The following DEGS2 variants were observed in gnomAD, a reference collection of about 807,000 sequenced individuals.
DEGS2 encodes the protein delta 4-desaturase, sphingolipid 2.
Under a neutral mutation model 23.8 loss-of-function variants are expected in DEGS2, and 19 were observed. That is an observed-to-expected ratio of 0.80 (90% CI 0.56 to 1.17). The LOEUF (loss-of-function observed/expected upper bound fraction) is 1.17, where lower values mean the gene tolerates loss of function less well. Ranked by LOEUF, DEGS2 falls within the 50% of genes most tolerant of loss-of-function variation. The pLI is 0.00. For missense variants in DEGS2, 390 were observed against 459.5 expected, an observed-to-expected ratio of 0.85 and a Z score of 1.38; for synonymous variants, 218 against 213.7, an observed-to-expected ratio of 1.02 and a Z score of -0.18.
At position 100,146,917 on chromosome 14, in the gene DEGS2, G is replaced by A; in HGVS notation, c.826-10C>T. The stretch of plus-strand genomic sequence containing the variant: ...GCGCGATCTTCCGCACCTGTAGAGA[G>A]GAGGGCGGGGCTCAGGGGCTGGTTC... On this transcript the variant is annotated splice_polypyrimidine_tract_variant and intron_variant, in intron 2 of 2. Transcript: ENST00000305631. 1 of 1,610,026 alleles carries A rather than the reference G, an allele frequency of 6.2e-7. No individual in the cohort carries two copies. The highest frequency in any genetic ancestry group is 8.5e-7 in the Non-Finnish European group (1 of 1,178,238).
chr14:100,161,952 CGAG>C (rs1889753742), upstream of DEGS2, among the ~76,000 whole-genome samples: 3 of 151,708 alleles, frequency 2.0e-5, no homozygotes, highest in Non-Finnish European at 4.4e-5. Context: ...CACCTGTAAT[CGAG>C]GCAGGAGAAT....
upstream of DEGS2, among the ~76,000 whole-genome samples, chr14:100,163,338 A>C (rs914355799): frequency 7.2e-5 from 11 of 152,198 alleles, no homozygotes; most frequent in Admixed American, 7.2e-4. Context: ...GCTAGTTGGG[A>C]GGCCGAGGCA....
chr14:100,159,060 C>A (rs560160622), intron 1 of DEGS2, among the ~76,000 whole-genome samples: 5 of 152,334 alleles, frequency 3.3e-5, no homozygotes, highest in African/African-American at 1.2e-4. Context: ...CCCGTGGCCG[C>A]GAGACCCAGG....
In DEGS2 at chr14:100,149,458, G is replaced by A; in HGVS notation, c.335C>T (p.Ala112Val). 6.3e-7 allele frequency: 1 copy of A among 1,595,766 alleles called. No individual in the cohort carries two copies. Among genetic ancestry groups the A allele is most frequent in the Non-Finnish European group, 8.5e-7 (1 of 1,170,664 alleles). The change falls in exon 2 of 3, where the codon GCC (alanine) becomes GTC (valine). Residue 112 changes from alanine to valine, a missense_variant. By Grantham distance (64) the Ala-to-Val change is moderately conservative. Transcript: ENST00000305631. ...AARNRWLAVF[A>V]NLPVGVPYAA... ...GTAGGGCACACCCACGGGCAGGTTG[G>A]CGAACACGGCCAGCCAGCGGTTGCG...
At chr14:100,159,830 G>A (rs914723841), upstream of DEGS2, 3 of 298,954 alleles carry the variant, frequency 1.0e-5, no homozygotes, top group African/African-American at 6.6e-5. Context: ...TTGGAAATGG[G>A]GCTCCCCGGC....
upstream of DEGS2, among the ~76,000 whole-genome samples, chr14:100,161,222 C>G (rs1319727782): frequency 6.6e-6 from 1 of 152,272 alleles, no homozygotes; most frequent in Non-Finnish European, 1.5e-5. Flanking sequence ...CAGCTCCACC[C>G]TCAGGACAAC....
At chr14:100,160,448 G>T (rs1889733151), upstream of DEGS2, among the ~76,000 whole-genome samples, 1 of 152,198 alleles carries the variant, frequency 6.6e-6, no homozygotes, top group Non-Finnish European at 1.5e-5. Flanking sequence ...AGATGCAAAC[G>T]CTTGGAAACA....
Position 100,146,561 on chromosome 14 carries a change from C to G in DEGS2, c.*200G>C. The G allele has an allele frequency of 1.1e-5, 8 of 703,196 alleles. No individual in the cohort carries two copies. The South Asian group carries it at 1.6e-4, about 14-fold the overall frequency. The allele number at this position is 703,196 out of a possible 1,614,324, so 43.6% of individuals were successfully genotyped here. ...GGAGGCCCAGAAAGGGAGGGCCACA[C>G]TCAAGGTCCAGGGCAAGTCCACGTG... On this transcript the variant is annotated 3_prime_UTR_variant, in exon 3 of 3. Transcript: ENST00000305631.
chr14:100,165,755 A>G, the DEGS2 span, among the ~76,000 whole-genome samples: 2 of 151,342 alleles, frequency 1.3e-5, no homozygotes, highest in African/African-American at 2.4e-5. Context: ...CACGGGAGGG[A>G]CTTCCTCCTA....
intron 1 of DEGS2, among the ~76,000 whole-genome samples, chr14:100,156,844 C>T (rs865793903): frequency 6.6e-6 from 1 of 152,104 alleles, no homozygotes; most frequent in Admixed American, 6.5e-5. Context: ...CAGCTTGTGC[C>T]GGGGAGGGAG....
At position 100,149,559 on chromosome 14, in the gene DEGS2, G is replaced by C; in HGVS notation, c.234C>G (p.Gly78=). Residue 78 remains glycine (G), a synonymous_variant, in exon 2 of 3, where the codon GGC becomes GGG. Coordinates refer to ENST00000305631, the MANE Select transcript of DEGS2 (RefSeq NM_206918.3). ...WLLFWAYAFG[G]CVNHSLTLAI... ...CCAGCGTCAGCGAGTGGTTCACGCA[G>C]CCACCAAAGGCGTAGGCCCAGAACA... 6.2e-7 allele frequency: 1 copy of C among 1,607,396 alleles called. No homozygotes were observed.
At position 100,144,048 on chromosome 14, in the gene DEGS2, T is replaced by G. The variant is rs1013326786; in HGVS notation, c.*2713A>C. 2.0e-5 allele frequency: 8 copies of G among 409,388 alleles called. No individual in the cohort carries two copies. Among genetic ancestry groups the G allele is most frequent in the Admixed American group, 8.2e-5 (2 of 24,356 alleles). 25.4% of individuals were successfully genotyped at this position (409,388 alleles called of 1,614,324 possible). On this transcript the variant is annotated 3_prime_UTR_variant, in exon 3 of 3. Coordinates refer to ENST00000305631, the MANE Select transcript of DEGS2 (RefSeq NM_206918.3). ...TAAGTCACCTGCTTCATTAGACGGT[T>G]TCCAGGTTTTCTCCCAGGTGACGCT...
chr14:100,161,496 C>T (rs1414367359), upstream of DEGS2, among the ~76,000 whole-genome samples: 1 of 152,186 alleles, frequency 6.6e-6, no homozygotes, highest in Non-Finnish European at 1.5e-5. Flanking sequence ...GTTGCGTCCC[C>T]ACCCTGTCCG....
rs1188363931 is a variant in DEGS2 at position 100,145,307 on chromosome 14, G to A, written c.*1454C>T. 2.0e-5 allele frequency: 3 copies of A among 152,268 alleles called. No homozygotes were observed. Among genetic ancestry groups the A allele is most frequent in the Non-Finnish European group, 4.4e-5 (3 of 68,072 alleles). The allele number at this position is 152,268 out of a possible 1,614,324, so 9.4% of individuals were successfully genotyped here. On this transcript the variant is annotated 3_prime_UTR_variant, in exon 3 of 3. Transcript: ENST00000305631. Reference sequence around the variant, plus strand: ...TGCTCTGGGTTCCCCTCAGCCTGTGGGCGGGCCTGTGTGCACAGGGAGGGG... The same window carrying A: ...TGCTCTGGGTTCCCCTCAGCCTGTGAGCGGGCCTGTGTGCACAGGGAGGGG...
chr14:100,162,680 G>A (rs1019679883), upstream of DEGS2, among the ~76,000 whole-genome samples: 3 of 152,164 alleles, frequency 2.0e-5, no homozygotes, highest in African/African-American at 7.2e-5. Context: ...AGCCCACCAC[G>A]GCCAGCTACT....
intron 1 of DEGS2, among the ~76,000 whole-genome samples, chr14:100,154,672 T>C (rs1171548824): frequency 6.6e-6 from 1 of 152,248 alleles, no homozygotes; most frequent in Admixed American, 6.5e-5. Context: ...CAAAGCCCCC[T>C]GCACCCACAG....
At chr14:100,148,826 G>T in intron 2 of DEGS2, 142 bp downstream of exon 2, 2 of 981,404 alleles carry the variant, frequency 2.0e-6, no homozygotes, top group African/African-American at 1.6e-5. Context: ...CTGCCCTGGG[G>T]ACAAGTGCAA....
At chr14:100,147,404 A>G (rs1243157458) in intron 2 of DEGS2, among the ~76,000 whole-genome samples, 1 of 152,188 alleles carries the variant, frequency 6.6e-6, no homozygotes, top group Admixed American at 6.5e-5. Context: ...ACCAGGCCAC[A>G]GTGTCACACC....
upstream of DEGS2, among the ~76,000 whole-genome samples, chr14:100,160,598 C>T (rs1164004404): frequency 2.6e-5 from 4 of 152,194 alleles, no homozygotes; most frequent in Non-Finnish European, 5.9e-5. Flanking sequence ...ACCTGCTGTG[C>T]CTGTGGGCCA....
Sources: allele counts gnomAD v4.1 joint callset (sites outside exome capture counted in the v4.1 genomes callset), GRCh38; gene constraint gnomAD v4.1.1; transcripts MANE v1.5; gene names NCBI Gene and HGNC (gene_info 2026-07-23, HGNC 2026-07-21).